ADGRL2: variants seen among roughly 807,000 people sequenced by gnomAD.
ADGRL2 encodes calcium-independent alpha-latrotoxin receptor 2.
In ADGRL2, 44 loss-of-function variants were observed where a neutral mutation model predicts 157.4. The observed-to-expected ratio is 0.28, with a 90% CI of 0.22 to 0.36. ADGRL2 has a LOEUF of 0.36. Among genes scored for constraint, ADGRL2 ranks in the 10% least tolerant of loss-of-function variants. ADGRL2 has a pLI of 1.00. For synonymous variants in ADGRL2, 585 were observed against 624.7 expected (o/e 0.94, Z 0.95); for missense variants, 1,510 against 1,768.9 (o/e 0.85, Z 2.63).
intron 1 of ADGRL2, among the ~76,000 whole-genome samples, chr1:81,732,037 C>G (rs1286585359): frequency 1.3e-5 from 2 of 152,088 alleles, no homozygotes; most frequent in Non-Finnish European, 2.9e-5. Flanking sequence ...TTCTCTGTAA[C>G]CTACTTATTG....
intron 3 of ADGRL2, among the ~76,000 whole-genome samples, chr1:81,636,161 C>T (rs2082110856): frequency 6.6e-6 from 1 of 152,004 alleles, no homozygotes; most frequent in Non-Finnish European, 1.5e-5. Context: ...CCTGGCTGCT[C>T]GGTGTTACAT....
intron 1 of ADGRL2, among the ~76,000 whole-genome samples, chr1:81,383,978 G>GA (rs970306697): frequency 1.0e-4 from 15 of 144,766 alleles, no homozygotes; most frequent in African/African-American, 3.4e-4. Context: ...GAAAAGAAAA[G>GA]AAAAAAAAGA....
At chr1:81,688,526 G>GT (rs1453289528) in intron 3 of ADGRL2, among the ~76,000 whole-genome samples, 1 of 151,906 alleles carries the variant, frequency 6.6e-6, no homozygotes, top group African/African-American at 2.4e-5. Context: ...ATATTTTATT[G>GT]TTTTTTCTTT....
chr1:81,816,111 G>T (rs2090377908), intron 1 of ADGRL2, among the ~76,000 whole-genome samples: 1 of 151,790 alleles, frequency 6.6e-6, no homozygotes, highest in South Asian at 2.1e-4. Flanking sequence ...TACACTAATG[G>T]CCTCATTCTC....
chr1:81,966,550 A>C lies in ADGRL2; in HGVS notation c.2290A>C (p.Lys764Gln), dbSNP rs868283568. The C allele has an allele frequency of 6.2e-7, 1 of 1,614,100 alleles. No homozygotes were observed. The highest frequency in any genetic ancestry group is 8.5e-7 in the Non-Finnish European group (1 of 1,179,992). Residue 764 changes from lysine to glutamine, a missense_variant, in exon 13 of 24, where the codon AAA becomes CAA. This residue lies in a region of ADGRL2 where 497 missense variants were observed against 627.2 expected (regional missense o/e 0.79). Coordinates refer to ENST00000686636, the MANE Select transcript of ADGRL2 (RefSeq NM_001366006.2). ...NSHVISVSINKESSRVYLTDP... is the reference protein window; with the variant it reads ...NSHVISVSINQESSRVYLTDP... ...TCACGTCATTTCAGTTTCAATCAAT[A>C]AAGAGTCCAGCCGAGTATACCTGAC... is the stretch of plus-strand genomic sequence containing the variant.
intron 2 of ADGRL2, among the ~76,000 whole-genome samples, chr1:81,522,065 G>A (rs538910541): frequency 3.8e-4 from 57 of 150,798 alleles, no homozygotes; most frequent in African/African-American, 1.4e-3. Context: ...CCTGGGTTCC[G>A]GCGATTCTCC....
intron 1 of ADGRL2, among the ~76,000 whole-genome samples, chr1:81,410,011 G>A (rs1264364662): frequency 1.3e-5 from 2 of 152,204 alleles, no homozygotes; most frequent in Non-Finnish European, 2.9e-5. Context: ...CAATAAGTTA[G>A]TGGACAGGTC....
At chr1:81,348,836 A>G (rs1232838714) in intron 1 of ADGRL2, among the ~76,000 whole-genome samples, 1 of 152,210 alleles carries the variant, frequency 6.6e-6, no homozygotes, top group East Asian at 1.9e-4. Context: ...ATCTGAGAAG[A>G]GATGATAATT....
intron 2 of ADGRL2, among the ~76,000 whole-genome samples, chr1:81,558,943 T>G (rs1426761394): frequency 1.3e-5 from 2 of 152,178 alleles, no homozygotes; most frequent in Admixed American, 1.3e-4. Context: ...TAAAGAATTG[T>G]GCCTGGTCTG....
intron 2 of ADGRL2, chr1:81,503,092 A>C (rs2078891245): frequency 6.2e-7 from 1 of 1,610,782 alleles, no homozygotes; most frequent in African/African-American, 1.3e-5. Flanking sequence ...GCCTGCTGAG[A>C]AGAAGGCGTC....
At chr1:81,503,487 T>G (rs2078900520) in intron 2 of ADGRL2, 1 of 1,609,946 alleles carries the variant, frequency 6.2e-7, no homozygotes, top group East Asian at 2.2e-5. Context: ...GACCCAGCTT[T>G]CCACTTGCCA....
chr1:81,619,310 A>G (rs200094812), intron 3 of ADGRL2, among the ~76,000 whole-genome samples: 1 of 150,802 alleles, frequency 6.6e-6, no homozygotes, highest in South Asian at 2.1e-4. Flanking sequence ...CCTTCAAACC[A>G]CCTGCCGTGC....
intron 3 of ADGRL2, among the ~76,000 whole-genome samples, chr1:81,670,664 T>A (rs189248450): frequency 6.6e-6 from 1 of 152,234 alleles, no homozygotes; most frequent in Admixed American, 6.5e-5. Flanking sequence ...TACAAAAAAA[T>A]TTTTTTCCAA....
At chr1:81,463,576 C>G (rs1487940844) in intron 2 of ADGRL2, among the ~76,000 whole-genome samples, 1 of 152,152 alleles carries the variant, frequency 6.6e-6, no homozygotes, top group Non-Finnish European at 1.5e-5. Context: ...TTCCTCTGGC[C>G]TCTTTCACTC....
chr1:81,839,930 A>AATAT (rs374383774), intron 2 of ADGRL2, among the ~76,000 whole-genome samples: 3 of 67,258 alleles, frequency 4.5e-5, no homozygotes, highest in Admixed American at 3.8e-4. Flanking sequence ...TATATGATGG[A>AATAT]ATATATATAT....
At chr1:81,696,518 T>A (rs899926803), upstream of ADGRL2, among the ~76,000 whole-genome samples, 1 of 152,122 alleles carries the variant, frequency 6.6e-6, no homozygotes, top group East Asian at 1.9e-4. Flanking sequence ...TTTGGGAGGC[T>A]GAGGCGGGCG....
chr1:81,639,093 G>A (rs1034754354), intron 3 of ADGRL2, among the ~76,000 whole-genome samples: 6 of 152,144 alleles, frequency 3.9e-5, no homozygotes, highest in Admixed American at 6.6e-5. Context: ...TGTTTGAGAC[G>A]GAGTCTCACT....
At chr1:81,489,220 G>A (rs1428869376) in intron 2 of ADGRL2, among the ~76,000 whole-genome samples, 1 of 148,718 alleles carries the variant, frequency 6.7e-6, no homozygotes, top group East Asian at 1.9e-4. Context: ...GTGGGTGACA[G>A]AGGGAGACTC....
At chr1:81,663,837 G>A (rs1344559887) in intron 3 of ADGRL2, among the ~76,000 whole-genome samples, 1 of 152,152 alleles carries the variant, frequency 6.6e-6, no homozygotes, top group East Asian at 1.9e-4. Context: ...TTGGCTACTT[G>A]TTCTCACAGT....
Sources: allele counts gnomAD v4.1 joint callset (sites outside exome capture counted in the v4.1 genomes callset), GRCh38; gene constraint gnomAD v4.1.1; regional missense constraint gnomAD v4.1.1; transcripts MANE v1.5; gene names NCBI Gene and HGNC (gene_info 2026-07-23, HGNC 2026-07-21).